Variants in MAML2 observed in about 807,000 individuals in gnomAD.
MAML2 encodes the protein mastermind-like protein 2.
A neutral mutation model predicts 96.1 loss-of-function variants in MAML2; 22 were observed. The ratio of observed to expected loss-of-function variants is 0.23; its 90% CI spans 0.16 to 0.33. The LOEUF (loss-of-function observed/expected upper bound fraction) is 0.33, where lower values mean the gene tolerates loss of function less well. Among genes scored for constraint, MAML2 ranks in the 10% least tolerant of loss-of-function variants. The pLI is 1.00. For synonymous variants in MAML2, 561 were observed against 521.3 expected, an observed-to-expected ratio of 1.08 and a Z score of -1.04; for missense variants, 1,367 against 1,392.4, an observed-to-expected ratio of 0.98 and a Z score of 0.29.
chr11:96,293,770 A>G (rs1043850169), intron 1 of MAML2, among the ~76,000 whole-genome samples: 5 of 152,218 alleles, frequency 3.3e-5, no homozygotes, highest in Non-Finnish European at 5.9e-5. Context: ...ACAGACTCAC[A>G]GAGGCTGGAG....
chr11:96,259,190 C>G (rs1454951855), intron 1 of MAML2, among the ~76,000 whole-genome samples: 4 of 152,208 alleles, frequency 2.6e-5, no homozygotes, highest in Non-Finnish European at 4.4e-5. Flanking sequence ...TTTCAATTTT[C>G]TAAGTGAAGG....
In MAML2 at chr11:96,047,944, G is replaced by A. The variant is rs140879277; in HGVS notation, c.2139+43948C>T. Among the ~76,000 whole-genome samples, 864 of 131,884 alleles carry A rather than the reference G, an allele frequency of 6.6e-3. 11 individuals are homozygous for A. The highest frequency in any genetic ancestry group is 0.021 in the African/African-American group (806 of 38,642). 86.5% of individuals were successfully genotyped at this position (131,884 alleles called of 152,430 possible). On this transcript the variant is annotated intron_variant, in intron 2 of 4. Coordinates refer to ENST00000524717, the MANE Select transcript of MAML2 (RefSeq NM_032427.4). ...AAAAAAAAAAAAAAAAGAAAAAAGA[G>A]AGAGAGAAAGAAAAAACAACAAAAA...
At chr11:96,024,491 A>G (rs1479951712) in intron 2 of MAML2, among the ~76,000 whole-genome samples, 2 of 152,252 alleles carry the variant, frequency 1.3e-5, no homozygotes, top group Non-Finnish European at 2.9e-5. Flanking sequence ...TTCCTCCACT[A>G]TATTTCACAC....
At position 96,081,424 on chromosome 11, in the gene MAML2, C is replaced by T. The variant is rs560902634; in HGVS notation, c.2139+10468G>A. On this transcript the variant is annotated intron_variant, in intron 2 of 4. Coordinates refer to ENST00000524717, the MANE Select transcript of MAML2 (RefSeq NM_032427.4). ...CCAGTGGAAGATGTCCATCAAGTTA[C>T]CTAATTCCCCTGATGATAAATGTAC... Among the ~76,000 whole-genome samples the T allele has an allele frequency of 3.0e-4, 46 of 152,170 alleles. 3 individuals carry two copies. In the South Asian group the frequency reaches 9.1e-3, roughly 30 times the overall value.
At chr11:96,051,098 G>C (rs919534530) in intron 2 of MAML2, among the ~76,000 whole-genome samples, 5 of 152,154 alleles carry the variant, frequency 3.3e-5, no homozygotes, top group Non-Finnish European at 1.5e-5. Context: ...TTCTGGAAGA[G>C]ATCTGAAAAC....
At chr11:96,030,037 A>T (rs375912682) in intron 2 of MAML2, among the ~76,000 whole-genome samples, 403 of 152,114 alleles carry the variant, frequency 2.6e-3, no homozygotes, top group Non-Finnish European at 4.1e-3. Flanking sequence ...TTCGAGACCA[A>T]CCTGGCCAAC....
At chr11:96,334,900 A>C (rs754257876) in intron 1 of MAML2, among the ~76,000 whole-genome samples, 5 of 152,230 alleles carry the variant, frequency 3.3e-5, no homozygotes, top group Non-Finnish European at 7.3e-5. Context: ...AGTTGTCCTC[A>C]ACCTGTGGAG....
intron 1 of MAML2, among the ~76,000 whole-genome samples, chr11:96,284,049 A>G (rs1863107059): frequency 6.6e-6 from 1 of 152,126 alleles, no homozygotes; most frequent in Non-Finnish European, 1.5e-5. Context: ...TCATCCTCTT[A>G]CATCTTTCTG....
At chr11:96,024,712 C>A (rs561814824) in intron 2 of MAML2, among the ~76,000 whole-genome samples, 1 of 152,132 alleles carries the variant, frequency 6.6e-6, no homozygotes, top group South Asian at 2.1e-4. Flanking sequence ...TGGCTGTCAC[C>A]CATTCACCTT....
chr11:96,239,076 C>G lies in MAML2; in HGVS notation c.513+102307G>C, dbSNP rs148509046. On this transcript the variant is annotated intron_variant, in intron 1 of 4. Transcript: ENST00000524717. ...TACAGCTGCAACCAAAGATGGGAAT[C>G]ACACTAACATTTTAAAGTCAGAATT... Among the ~76,000 whole-genome samples the G allele has an allele frequency of 7.2e-5, 11 of 152,360 alleles. No homozygotes were observed. In the East Asian group the frequency reaches 1.9e-3, roughly 27 times the overall value.
intron 2 of MAML2, among the ~76,000 whole-genome samples, chr11:96,035,152 G>A (rs1014707392): frequency 2.0e-5 from 3 of 152,180 alleles, no homozygotes; most frequent in Non-Finnish European, 4.4e-5. Flanking sequence ...TAAAAGATTA[G>A]AATTCTGGAA....
At chr11:96,100,766 A>T in intron 1 of MAML2, among the ~76,000 whole-genome samples, 1 of 144,656 alleles carries the variant, frequency 6.9e-6, no homozygotes, top group Non-Finnish European at 1.5e-5. Flanking sequence ...TTTTTTCTGA[A>T]ACAGGATCTG....
chr11:96,222,805 A>G (rs945276294), intron 1 of MAML2, among the ~76,000 whole-genome samples: 6 of 152,210 alleles, frequency 3.9e-5, no homozygotes, highest in African/African-American at 1.2e-4. Context: ...TGGTAATTGG[A>G]TCACCATTGA....
intron 1 of MAML2, among the ~76,000 whole-genome samples, chr11:96,109,690 G>A (rs1201643987): frequency 6.6e-6 from 1 of 152,218 alleles, no homozygotes; most frequent in Non-Finnish European, 1.5e-5. Flanking sequence ...AATGTAGGGA[G>A]AGGAGTGTGT....
intron 2 of MAML2, among the ~76,000 whole-genome samples, chr11:96,056,300 C>A (rs151226747): frequency 5.1e-4 from 77 of 149,636 alleles, no homozygotes; most frequent in African/African-American, 1.7e-3. Flanking sequence ...CCAAACTGAG[C>A]CATTGGAAAG....
At chr11:96,303,994 C>A (rs773378405) in intron 1 of MAML2, among the ~76,000 whole-genome samples, 1 of 152,182 alleles carries the variant, frequency 6.6e-6, no homozygotes, top group East Asian at 1.9e-4. Context: ...GAAGTGGGTG[C>A]CAGGATCCAG....
At chr11:96,145,821 A>T (rs959277114) in intron 1 of MAML2, among the ~76,000 whole-genome samples, 3 of 152,222 alleles carry the variant, frequency 2.0e-5, no homozygotes, top group African/African-American at 7.2e-5. Context: ...CAGCCTGGCC[A>T]ACATGGCGAA....
intron 1 of MAML2, among the ~76,000 whole-genome samples, chr11:96,129,560 T>C (rs1199605946): frequency 2.6e-5 from 4 of 151,912 alleles, no homozygotes; most frequent in Non-Finnish European, 4.4e-5. Flanking sequence ...TAAATCCAAA[T>C]AGGGGGAGGG....
chr11:96,303,530 C>G (rs1289152980), intron 1 of MAML2, among the ~76,000 whole-genome samples: 1 of 152,130 alleles, frequency 6.6e-6, no homozygotes, highest in Non-Finnish European at 1.5e-5. Context: ...CACAGCCCTT[C>G]TAAAAATCCC....
Sources: gnomAD v4.1 joint callset for allele counts (sites outside exome capture counted in the v4.1 genomes callset) on GRCh38, gnomAD v4.1.1 for gene constraint, MANE v1.5 for transcripts, NCBI Gene and HGNC (gene_info 2026-07-23, HGNC 2026-07-21) for gene names.